The following COL5A2 variants were observed in gnomAD, a reference collection of about 807,000 sequenced individuals.
The protein encoded by COL5A2 is collagen alpha-2(V) chain.
In COL5A2, 23 loss-of-function variants were observed where a neutral mutation model predicts 208.2. The observed-to-expected ratio is 0.11, with a 90% CI of 0.08 to 0.16. The LOEUF is 0.16. COL5A2 is among the 10% of genes least tolerant of loss of function. The pLI, the probability that COL5A2 is intolerant of heterozygous loss-of-function variation, is 1.00. For synonymous variants in COL5A2, 625 were observed against 628.5 expected (o/e 0.99, Z 0.08); for missense variants, 1,590 against 1,956.4 (o/e 0.81, Z 3.53).
chr2:189,053,045 T>A (rs1037028839), intron 38 of COL5A2, 27 bp from the exon 39 acceptor site: 14 of 1,552,164 alleles, frequency 9.0e-6, no homozygotes, highest in Middle Eastern at 3.3e-4. Flanking sequence ...AAACAAGCAA[T>A]TGATTATAAG....
chr2:189,046,919 C>A (rs575128687), intron 45 of COL5A2, among the ~76,000 whole-genome samples: 1 of 151,836 alleles, frequency 6.6e-6, no homozygotes, highest in East Asian at 1.9e-4. Context: ...GTCAAGAGAT[C>A]GAGACCATCC....
chr2:189,058,878 G>T lies in COL5A2; in HGVS notation c.2101C>A (p.Pro701Thr), dbSNP rs765785677. 9.9e-6 allele frequency: 16 copies of T among 1,608,958 alleles called. No individual in the cohort carries two copies. Among genetic ancestry groups the T allele is most frequent in the Non-Finnish European group, 1.4e-5 (16 of 1,178,826 alleles). The stretch of plus-strand genomic sequence containing the variant: ...GGTCCTAACGGGCCAACTGCTCCGG[G>T]ATCTCCAGGAACACCCTATAAACAC... ...KPGDQGVPGD[P>T]GAVGPLGPRG... Residue 701 changes from proline to threonine, a missense_variant, in exon 32 of 54, where the codon CCC becomes ACC. Transcript: ENST00000374866.
intron 16 of COL5A2, among the ~76,000 whole-genome samples, chr2:189,077,329 AAAGAATG>A (rs1287508155): frequency 6.6e-6 from 1 of 152,178 alleles, no homozygotes; most frequent in Non-Finnish European, 1.5e-5. Context: ...GGGATCTGAG[AAAGAATG>A]TATGGGTCTT....
intron 1 of COL5A2, among the ~76,000 whole-genome samples, chr2:189,151,376 G>A (rs1249774776): frequency 2.6e-5 from 4 of 152,058 alleles, no homozygotes; most frequent in African/African-American, 4.8e-5. Context: ...GACAAATGAA[G>A]CAATCTTCAG....
chr2:189,416,954 AT>A, the COL5A2 span, among the ~76,000 whole-genome samples: 2 of 151,418 alleles, frequency 1.3e-5, no homozygotes, highest in African/African-American at 2.4e-5. Context: ...CTGCTTAAAC[AT>A]TTTTTTTCTA....
the COL5A2 span, among the ~76,000 whole-genome samples, chr2:189,356,182 T>G: frequency 6.6e-6 from 1 of 152,220 alleles, no homozygotes; most frequent in Non-Finnish European, 1.5e-5. Flanking sequence ...TAACCTGGCC[T>G]TTCTTTCTGG....
Position 189,088,721 on chromosome 2 carries a change from G to C in COL5A2, c.619C>G (p.Gln207Glu), listed in dbSNP as rs1686718309. The C allele has an allele frequency of 6.2e-7, 1 of 1,613,910 alleles. No homozygotes were observed. The highest frequency in any genetic ancestry group is 1.1e-5 in the South Asian group (1 of 91,076). ...ACAGAGCCAGGCATTAGTCCTACTT[G>C]ACTCCCAAGTCCAGATTTTTCATCC... ...GLDEKSGLGS[Q>E]VGLMPGSVGP... The change falls in exon 8 of 54, where the codon CAA (glutamine) becomes GAA (glutamate). Residue 207 changes from glutamine to glutamate, a missense_variant. Gln to Glu is a conservative substitution (Grantham distance 29, BLOSUM62 2). Transcript: ENST00000374866.
At chr2:189,368,435 G>T in the COL5A2 span, among the ~76,000 whole-genome samples, 42 of 151,988 alleles carry the variant, frequency 2.8e-4, no homozygotes, top group Non-Finnish European at 5.0e-4. Flanking sequence ...AAAATCACTG[G>T]TTTTCCAAGG....
upstream of COL5A2, among the ~76,000 whole-genome samples, chr2:189,226,102 C>T (rs534426469): frequency 9.2e-5 from 14 of 152,178 alleles, no homozygotes; most frequent in East Asian, 1.5e-3. Flanking sequence ...CAGTTATGTC[C>T]GGATGCAATA....
chr2:189,115,220 TTTCTC>T (rs1687364783), intron 1 of COL5A2, among the ~76,000 whole-genome samples: 1 of 152,184 alleles, frequency 6.6e-6, no homozygotes, highest in Admixed American at 6.5e-5. Flanking sequence ...TCCTCATAGA[TTTCTC>T]TTCTCATAAA....
At chr2:189,098,035 T>TCCCCCCG (rs1686956984) in intron 5 of COL5A2, among the ~76,000 whole-genome samples, 1 of 150,962 alleles carries the variant, frequency 6.6e-6, no homozygotes, top group African/African-American at 2.4e-5. Context: ...AAAATGTTTT[T>TCCCCCCG]CCCCCCCTGG....
the COL5A2 span, among the ~76,000 whole-genome samples, chr2:189,344,694 GGTAC>G: frequency 2.0e-5 from 3 of 152,120 alleles, no homozygotes; most frequent in African/African-American, 7.2e-5. Context: ...CCCCCTGTCT[GGTAC>G]CCACAAAAGA....
chr2:189,034,785 G>T, intron 53 of COL5A2, 131 bp downstream of exon 53: 2 of 1,000,802 alleles, frequency 2.0e-6, no homozygotes, highest in Non-Finnish European at 3.0e-6. Context: ...CCTAAGGAAT[G>T]ACTATAAACA....
the COL5A2 span, among the ~76,000 whole-genome samples, chr2:189,368,794 C>T: frequency 6.6e-6 from 1 of 152,112 alleles, no homozygotes; most frequent in African/African-American, 2.4e-5. Flanking sequence ...ATGAATGATT[C>T]GGATTTCTAC....
chr2:189,065,071 A>G lies in COL5A2; in HGVS notation c.1564-14T>C. ...GCCAGGAGCACCCTACAAATGACCA[A>G]AATGTGATTCTTAATTGTTGTTGAT... is the stretch of plus-strand genomic sequence containing the variant. On this transcript the variant is annotated splice_polypyrimidine_tract_variant and intron_variant, in intron 23 of 53. Coordinates refer to ENST00000374866, the MANE Select transcript of COL5A2 (RefSeq NM_000393.5). 1 of 1,612,756 alleles carries G rather than the reference A, an allele frequency of 6.2e-7. No homozygotes were observed. Among genetic ancestry groups the G allele is most frequent in the Non-Finnish European group, 8.5e-7 (1 of 1,179,188 alleles).
the COL5A2 span, among the ~76,000 whole-genome samples, chr2:189,391,606 T>G: frequency 1.1e-4 from 17 of 152,266 alleles, no homozygotes; most frequent in East Asian, 3.1e-3. Context: ...TCCCATCTAA[T>G]GTATTCAACA....
the COL5A2 span, among the ~76,000 whole-genome samples, chr2:189,237,859 T>C: frequency 1.8e-4 from 28 of 151,944 alleles, 1 homozygote; most frequent in Non-Finnish European, 3.5e-4. Context: ...TTGGATTTCC[T>C]TGACACTATC....
At chr2:189,195,866 T>A (rs1448401478) in intron 1 of COL5A2, among the ~76,000 whole-genome samples, 1 of 152,132 alleles carries the variant, frequency 6.6e-6, no homozygotes. Flanking sequence ...GAATAAAGCC[T>A]AGGAAATACC....
chr2:189,090,564 A>G lies in COL5A2; in HGVS notation c.567+1746T>C, dbSNP rs182520862. 2.6e-5 allele frequency among the ~76,000 whole-genome samples: 4 copies of G among 152,308 alleles called. No individual in the cohort carries two copies. The South Asian group carries it at 6.2e-4, about 24-fold the overall frequency. On this transcript the variant is annotated intron_variant, in intron 7 of 53. Coordinates refer to ENST00000374866, the MANE Select transcript of COL5A2 (RefSeq NM_000393.5). ...TGCCATCTAGGACTTTCATGTTTAG[A>G]GAGAAAAAGTCCATGCCTGGCTTCA... is the stretch of plus-strand genomic sequence containing the variant.
Sources: gnomAD v4.1 joint callset for allele counts (sites outside exome capture counted in the v4.1 genomes callset) on GRCh38, gnomAD v4.1.1 for gene constraint, MANE v1.5 for transcripts, NCBI Gene and HGNC (gene_info 2026-07-23, HGNC 2026-07-21) for gene names.